CTTNBP2: variants seen among roughly 807,000 people sequenced by gnomAD.
CTTNBP2 encodes the protein cortactin binding protein 2.
CTTNBP2 carries 108 observed loss-of-function variants against 156.9 expected under a neutral mutation model. That is an observed-to-expected ratio of 0.69 (90% confidence interval 0.59 to 0.81). CTTNBP2 has a LOEUF of 0.81. CTTNBP2 is among the 30% of genes least tolerant of loss of function. CTTNBP2 has a pLI of 0.00. For synonymous variants in CTTNBP2, 767 were observed against 751.8 expected (o/e 1.02, Z -0.33); for missense variants, 1,924 against 2,035.4 (o/e 0.95, Z 1.05).
rs1799076516 is a variant in CTTNBP2, at chr7:117,792,326, C to G, written c.870G>C (p.Leu290Phe). 1 of 1,614,146 alleles carries G rather than the reference C, an allele frequency of 6.2e-7. No homozygotes were observed. The highest frequency in any genetic ancestry group is 8.5e-7 in the Non-Finnish European group (1 of 1,180,028). Reference protein sequence around the residue: ...SLPRKTKDRRLVSISVGTEGT... With the variant: ...SLPRKTKDRRFVSISVGTEGT... ...CTTCTGTTCCCACAGATATGGAAAC[C>G]AAACGCCTATCTTTTGTCTTCCGTG... The change falls in exon 4 of 23, where the codon TTG becomes TTC. Residue 290 changes from leucine to phenylalanine, a missense_variant. Leu to Phe is a conservative substitution (Grantham distance 22, BLOSUM62 0). Transcript: ENST00000160373. This position sits in a 1 kb window ranked among gnomAD's most constrained non-coding sequence, Gnocchi z 4.2.
intron 2 of CTTNBP2, among the ~76,000 whole-genome samples, chr7:117,814,093 C>T (rs903173019): frequency 6.6e-6 from 1 of 152,130 alleles, no homozygotes; most frequent in Non-Finnish European, 1.5e-5. Flanking sequence ...CAAGCAATTT[C>T]TTAACACACA....
intron 3 of CTTNBP2, among the ~76,000 whole-genome samples, chr7:117,797,547 G>T (rs186279402): frequency 1.3e-5 from 2 of 152,154 alleles, no homozygotes. Context: ...CATTTTCAAA[G>T]AAAATATGGT....
At chr7:117,808,304 C>T (rs1022548831) in intron 3 of CTTNBP2, among the ~76,000 whole-genome samples, 1 of 151,622 alleles carries the variant, frequency 6.6e-6, no homozygotes, top group Admixed American at 6.6e-5. Context: ...AAAAAACCTC[C>T]AAATATCATT....
intron 2 of CTTNBP2, among the ~76,000 whole-genome samples, chr7:117,836,504 A>T (rs1336256101): frequency 1.3e-5 from 2 of 152,188 alleles, no homozygotes; most frequent in African/African-American, 4.8e-5. Context: ...CGGAGCTGGC[A>T]GTGAGCTGAG....
chr7:117,845,985 G>T (rs1409400456), intron 2 of CTTNBP2, among the ~76,000 whole-genome samples: 1 of 152,040 alleles, frequency 6.6e-6, no homozygotes, highest in African/African-American at 2.4e-5. Context: ...CGAGTAGGTG[G>T]GACTACAGGC....
intron 19 of CTTNBP2, among the ~76,000 whole-genome samples, chr7:117,723,508 A>G (rs1042295018): frequency 6.6e-6 from 1 of 152,204 alleles, no homozygotes; most frequent in Non-Finnish European, 1.5e-5. Context: ...TCCACAGTGC[A>G]CATGAGGTGG....
intron 8 of CTTNBP2, among the ~76,000 whole-genome samples, chr7:117,774,248 G>A (rs1236336625): frequency 2.0e-5 from 3 of 152,114 alleles, no homozygotes; most frequent in African/African-American, 4.8e-5. Context: ...AGGGGCTAAC[G>A]TGGAAAAAGG....
intron 14 of CTTNBP2, among the ~76,000 whole-genome samples, chr7:117,741,992 CAT>C (rs1487020489): frequency 1.3e-5 from 2 of 152,160 alleles, no homozygotes; most frequent in Non-Finnish European, 2.9e-5. Context: ...CATCATATAA[CAT>C]GTGTGTGGGA....
chr7:117,735,477 T>C (rs919712785), intron 14 of CTTNBP2, 56 bp from the exon 15 acceptor site: 5 of 1,468,560 alleles, frequency 3.4e-6, no homozygotes, highest in Non-Finnish European at 2.8e-6. Flanking sequence ...TTTATACAAA[T>C]TGGCAAAACT....
rs572292237 is a variant in CTTNBP2, at chr7:117,746,115, G to C, written c.3349-16C>G. On this transcript the variant is annotated splice_polypyrimidine_tract_variant and intron_variant, in intron 12 of 22. Coordinates refer to ENST00000160373, the MANE Select transcript of CTTNBP2 (RefSeq NM_033427.3). ...ATTGCTCAACCTATTAACAAACCAAGTAGAGAGCTAGGGTGAAGATGCTAA... is the reference window on the plus strand; with the variant it reads ...ATTGCTCAACCTATTAACAAACCAACTAGAGAGCTAGGGTGAAGATGCTAA... 3 of 1,587,698 alleles carry C rather than the reference G, an allele frequency of 1.9e-6. No homozygotes were observed. The highest frequency in any genetic ancestry group is 2.6e-6 in the Non-Finnish European group (3 of 1,156,094).
intron 12 of CTTNBP2, among the ~76,000 whole-genome samples, chr7:117,751,733 G>T (rs1267508641): frequency 6.6e-6 from 1 of 152,082 alleles, no homozygotes. Flanking sequence ...ATATAGACAG[G>T]TCCCCATTTA....
chr7:117,873,261 TC>T, intron 1 of CTTNBP2, 73 bp downstream of exon 1: 3 of 1,155,930 alleles, frequency 2.6e-6, no homozygotes, highest in Non-Finnish European at 3.3e-6. Context: ...CGAAGTCGGG[TC>T]CGGCTGGGAC....
chr7:117,842,655 T>C (rs781638185), intron 2 of CTTNBP2, among the ~76,000 whole-genome samples: 1 of 152,130 alleles, frequency 6.6e-6, no homozygotes, highest in Non-Finnish European at 1.5e-5. Flanking sequence ...GTTTCATCTA[T>C]GGAAGAAGAA....
intron 4 of CTTNBP2, among the ~76,000 whole-genome samples, chr7:117,787,958 G>A (rs771978094): frequency 1.3e-5 from 2 of 151,884 alleles, no homozygotes; most frequent in Admixed American, 6.6e-5. Flanking sequence ...TTTTTTGTTC[G>A]GGAATATTAT....
chr7:117,713,643 C>A (rs1286668561), intron 22 of CTTNBP2: 1 of 152,184 alleles, frequency 6.6e-6, no homozygotes, highest in African/African-American at 2.4e-5. Flanking sequence ...CACTAAAGTT[C>A]TTTTAAAGTT....
chr7:117,811,360 G>A (rs1800270480), intron 2 of CTTNBP2, among the ~76,000 whole-genome samples: 2 of 152,056 alleles, frequency 1.3e-5, no homozygotes, highest in Admixed American at 1.3e-4. Context: ...GAATGCAGTG[G>A]CACAATCACA....
chr7:117,806,960 T>C (rs1270927414), intron 3 of CTTNBP2, among the ~76,000 whole-genome samples: 1 of 151,990 alleles, frequency 6.6e-6, no homozygotes, highest in African/African-American at 2.4e-5. Context: ...GGTTTCACCA[T>C]GTTGGTCAGG....
intron 2 of CTTNBP2, 144 bp downstream of exon 2, chr7:117,861,064 GT>G (rs1174877837): frequency 2.3e-5 from 14 of 617,540 alleles, no homozygotes; most frequent in South Asian, 4.1e-5. Context: ...TTATGGGTTA[GT>G]GTTTGGGGTG....
chr7:117,849,290 T>C (rs1802787761), intron 2 of CTTNBP2, among the ~76,000 whole-genome samples: 1 of 152,230 alleles, frequency 6.6e-6, no homozygotes, highest in South Asian at 2.1e-4. Context: ...AACTTTAGCA[T>C]GCATCAGAAT....
Sources: allele counts gnomAD v4.1 joint callset (sites outside exome capture counted in the v4.1 genomes callset), GRCh38; gene constraint gnomAD v4.1.1; non-coding constraint Gnocchi (gnomAD v3.1); transcripts MANE v1.5; gene names NCBI Gene and HGNC (gene_info 2026-07-23, HGNC 2026-07-21).